PSEN2: variants seen among roughly 807,000 people sequenced by gnomAD.
The protein encoded by PSEN2 is presenilin 2.
A neutral mutation model predicts 49.1 loss-of-function variants in PSEN2; 32 were observed. That is an observed-to-expected ratio of 0.65 (90% CI 0.49 to 0.88). PSEN2 has a LOEUF of 0.88. Ranked by LOEUF, PSEN2 falls within the 40% of genes least tolerant of loss-of-function variation. The probability of loss-of-function intolerance (pLI) is 0.00; values close to 1 mark genes in which losing one functional copy is unlikely to be tolerated. For synonymous variants in PSEN2, 255 were observed against 244.0 expected (o/e 1.05, Z -0.42); for missense variants, 522 against 586.9 (o/e 0.89, Z 1.14).
At chr1:226,880,580 T>TCAGCCTCTGGACAGCGATCACA in intron 3 of PSEN2, 1 of 1,608,390 alleles carries the variant, frequency 6.2e-7, no homozygotes, top group African/African-American at 1.3e-5. Context: ...CAGCGATCAC[T>TCAGCCTCTGGACAGCGATCACA]CAGCCTCTGG....
chr1:226,896,354 T>A (rs1662145463), downstream of PSEN2, among the ~76,000 whole-genome samples: 1 of 152,240 alleles, frequency 6.6e-6, no homozygotes. Context: ...TGGACTCAGT[T>A]GTGCACGGTG....
intron 12 of PSEN2, among the ~76,000 whole-genome samples, chr1:226,902,565 G>A (rs529914348): frequency 5.9e-5 from 9 of 152,290 alleles, no homozygotes; most frequent in African/African-American, 2.2e-4. Context: ...AGTCAGTGGG[G>A]TTGGAAGGTA....
At chr1:226,886,296 C>T (rs1223435265) in intron 6 of PSEN2, among the ~76,000 whole-genome samples, 2 of 152,230 alleles carry the variant, frequency 1.3e-5, no homozygotes, top group East Asian at 1.9e-4. Context: ...AGGCTCCCCT[C>T]ACCCCGATAC....
chr1:226,877,121 T>G (rs1242234860), intron 3 of PSEN2, among the ~76,000 whole-genome samples: 2 of 152,164 alleles, frequency 1.3e-5, no homozygotes, highest in Admixed American at 1.3e-4. Flanking sequence ...ACACTCACCT[T>G]GCTGAGAAAG....
chr1:226,892,684 C>T (rs572837407), intron 11 of PSEN2, among the ~76,000 whole-genome samples: 2 of 152,216 alleles, frequency 1.3e-5, no homozygotes, highest in East Asian at 3.9e-4. Context: ...TCCAGGCAGG[C>T]TTGGGGGAGG....
chr1:226,886,993 G>A (rs559707409), intron 6 of PSEN2, among the ~76,000 whole-genome samples: 1 of 152,330 alleles, frequency 6.6e-6, no homozygotes, highest in South Asian at 2.1e-4. Context: ...GGCAGGGTTT[G>A]AACATTGCCG....
intron 2 of PSEN2, among the ~76,000 whole-genome samples, chr1:226,872,753 C>T (rs1411014287): frequency 6.6e-6 from 1 of 152,142 alleles, no homozygotes; most frequent in South Asian, 2.1e-4. Flanking sequence ...GCAAGTATTC[C>T]CACCTGTTCT....
downstream of PSEN2, among the ~76,000 whole-genome samples, chr1:226,901,277 A>G (rs908203044): frequency 3.9e-5 from 6 of 152,110 alleles, no homozygotes; most frequent in African/African-American, 7.2e-5. Flanking sequence ...CTCTACTAAC[A>G]GTACAAAAAT....
At chr1:226,899,768 C>A (rs1242082618), downstream of PSEN2, among the ~76,000 whole-genome samples, 1 of 152,122 alleles carries the variant, frequency 6.6e-6, no homozygotes, top group Non-Finnish European at 1.5e-5. Flanking sequence ...CCTTTGAGAT[C>A]AGTAAGTGGC....
At chr1:226,876,803 T>C (rs1453131323) in intron 3 of PSEN2, among the ~76,000 whole-genome samples, 49 of 152,180 alleles carry the variant, frequency 3.2e-4, no homozygotes, top group Admixed American at 3.1e-3. Context: ...TCGAAAGGTA[T>C]GCTGTGTTTA....
rs143649336 is a variant in PSEN2 at position 226,894,881 on chromosome 1, C to T, written c.1192-543C>T. On this transcript the variant is annotated intron_variant, in intron 12 of 12. Coordinates refer to ENST00000366783, the MANE Select transcript of PSEN2 (RefSeq NM_000447.3). ...GCTCCTCCACCACCAGACTGCCTTA[C>T]CTGAGCCCTGCTGGCCCCAAAGATA... 4.6e-3 allele frequency among the ~76,000 whole-genome samples: 694 copies of T among 152,306 alleles called. 10 individuals are homozygous for T. Among genetic ancestry groups the T allele is most frequent in the African/African-American group, 0.016 (679 of 41,552 alleles).
At chr1:226,873,821 T>G (rs1199114792) in intron 2 of PSEN2, among the ~76,000 whole-genome samples, 1 of 152,268 alleles carries the variant, frequency 6.6e-6, no homozygotes, top group Non-Finnish European at 1.5e-5. Context: ...TTGTGTATCC[T>G]GTTTTTTCTG....
intron 6 of PSEN2, 54 bp from the exon 7 acceptor site, chr1:226,888,037 T>C (rs1478184381): frequency 6.9e-7 from 1 of 1,454,198 alleles, no homozygotes; most frequent in Non-Finnish European, 9.7e-7. Context: ...CTGGGGGCCT[T>C]AGAATTTGTG....
chr1:226,870,919 C>T (rs1660235669), intron 1 of PSEN2: 1 of 152,192 alleles, frequency 6.6e-6, no homozygotes, highest in Non-Finnish European at 1.5e-5. Flanking sequence ...GGGAGCGGCC[C>T]TCAGGCCTTC....
chr1:226,894,148 A>G (rs1382905111), intron 12 of PSEN2, 23 bp downstream of exon 12: 1 of 1,601,892 alleles, frequency 6.2e-7, no homozygotes, highest in Non-Finnish European at 8.6e-7. Context: ...GGATGCGTCC[A>G]GCTGCCTCGT....
At chr1:226,883,975 T>TGGGGGGCCTGGGGGG in intron 5 of PSEN2, 56 bp downstream of exon 5, 1 of 129,696 alleles carries the variant, frequency 7.7e-6, no homozygotes. Context: ...TGCCAGGGGG[T>TGGGGGGCCTGGGGGG]GGGGGGCGCA....
intron 4 of PSEN2, among the ~76,000 whole-genome samples, chr1:226,882,892 G>C (rs1485652788): frequency 6.6e-6 from 1 of 152,142 alleles, no homozygotes; most frequent in Non-Finnish European, 1.5e-5. Context: ...TTCTTTCTTG[G>C]CTGAACGTCT....
chr1:226,896,881 C>T (rs183439536), downstream of PSEN2, among the ~76,000 whole-genome samples: 1 of 152,222 alleles, frequency 6.6e-6, no homozygotes, highest in Non-Finnish European at 1.5e-5. Context: ...CAAACTGGTA[C>T]CCCTGTCTCC....
intron 4 of PSEN2, among the ~76,000 whole-genome samples, chr1:226,882,511 C>G (rs1661065495): frequency 1.3e-5 from 2 of 152,110 alleles, no homozygotes; most frequent in Middle Eastern, 6.3e-3. Flanking sequence ...TCATTCAGCC[C>G]CCAGGGGAGG....
Sources: allele counts gnomAD v4.1 joint callset (sites outside exome capture counted in the v4.1 genomes callset), GRCh38; gene constraint gnomAD v4.1.1; transcripts MANE v1.5; gene names NCBI Gene and HGNC (gene_info 2026-07-23, HGNC 2026-07-21).